Variants in SLC4A1 observed in about 807,000 individuals in gnomAD.
The protein encoded by SLC4A1 is solute carrier family 4 member 1 (Diego blood group).
A neutral mutation model predicts 93.1 loss-of-function variants in SLC4A1; 29 were observed. The ratio of observed to expected loss-of-function variants is 0.31; its 90% CI spans 0.23 to 0.42. The LOEUF is 0.42. Among genes scored for constraint, SLC4A1 ranks in the 20% least tolerant of loss-of-function variants. The pLI is 1.00. For missense variants in SLC4A1, 965 were observed against 1,190.1 expected, an observed-to-expected ratio of 0.81 and a Z score of 2.78; for synonymous variants, 469 against 497.2, an observed-to-expected ratio of 0.94 and a Z score of 0.76.
chr17:44,251,080 T>C, intron 19 of SLC4A1, 79 bp downstream of exon 19: 2 of 1,473,220 alleles, frequency 1.4e-6, no homozygotes, highest in South Asian at 2.4e-5. Context: ...CCCATGACTC[T>C]GTCCTGCCTG....
chr17:44,250,318 T>G lies in SLC4A1; in HGVS notation c.*140A>C, dbSNP rs1283755666. 1 of 731,426 alleles carries G rather than the reference T, an allele frequency of 1.4e-6. No individual in the cohort carries two copies. Among genetic ancestry groups the G allele is most frequent in the Non-Finnish European group, 2.4e-6 (1 of 416,394 alleles). The allele number at this position is 731,426 out of a possible 1,614,324, so 45.3% of individuals were successfully genotyped here. A position where few individuals can be genotyped will look rare whatever the true frequency, so the allele number is the denominator to read the frequency against. On this transcript the variant is annotated 3_prime_UTR_variant, in exon 20 of 20. Transcript: ENST00000262418. ...GGAAGGTCTCCTGGACACGCCTTCCTTCCCCACCCACAGCCCTGGGGCCTC... is the reference window on the plus strand; with the variant it reads ...GGAAGGTCTCCTGGACACGCCTTCCGTCCCCACCCACAGCCCTGGGGCCTC...
At position 44,259,221 on chromosome 17, in the gene SLC4A1, G is replaced by T. The variant is rs879088971; in HGVS notation, c.818C>A (p.Ala273Asp). Residue 273 changes from alanine to aspartate, a missense_variant, in exon 9 of 20, where the codon GCC becomes GAC. Ala to Asp is a moderately radical substitution (Grantham distance 126, BLOSUM62 -2). Transcript: ENST00000262418. ...AAGCTGGGTGTAATCGATGTGGGGG[G>T]CCTCAGGTCCCAGCAACACAAAGAG... ...RFLFVLLGPE[A>D]PHIDYTQLGR... 1 of 1,613,938 alleles carries T rather than the reference G, an allele frequency of 6.2e-7. No homozygotes were observed. The highest frequency in any genetic ancestry group is 8.5e-7 in the Non-Finnish European group (1 of 1,180,046).
Position 44,257,343 on chromosome 17 carries a change from C to T in SLC4A1, c.1626+7G>A, listed in dbSNP as rs765327742. ...CCGTGTGCATTAACATCCCCATAGG[C>T]CCCCACCTTGATCAGCTTGGAGAAA... On this transcript the variant is annotated splice_region_variant and intron_variant, in intron 13 of 19. Coordinates refer to ENST00000262418, the MANE Select transcript of SLC4A1 (RefSeq NM_000342.4). The T allele has an allele frequency of 2.4e-5, 39 of 1,613,382 alleles. No individual in the cohort carries two copies. Among genetic ancestry groups the T allele is most frequent in the East Asian group, 1.1e-4 (5 of 44,886 alleles).
At chr17:44,255,593 C>T in intron 14 of SLC4A1, 80 bp downstream of exon 14, 2 of 1,380,712 alleles carry the variant, frequency 1.4e-6, no homozygotes, top group Non-Finnish European at 2.1e-6. Flanking sequence ...AAGCTAAGGG[C>T]ACTGAGGAAT....
chr17:44,258,774 C>T lies in SLC4A1; in HGVS notation c.877-151G>A, dbSNP rs1419619502. On this transcript the variant is annotated intron_variant, in intron 9 of 19. Coordinates refer to ENST00000262418, the MANE Select transcript of SLC4A1 (RefSeq NM_000342.4). This position sits in a 1 kb window ranked among gnomAD's most constrained non-coding sequence, Gnocchi z 6.1. ...TTTCCTGCCCGCTCCCACCCCTACT[C>T]TCCCCACTAAGAAAGAGCTCTGGGG... is the stretch of plus-strand genomic sequence containing the variant. 2 of 767,194 alleles carry T rather than the reference C, an allele frequency of 2.6e-6. No homozygotes were observed. Among genetic ancestry groups the T allele is most frequent in the African/African-American group, 1.7e-5 (1 of 57,608 alleles). 47.5% of individuals were successfully genotyped at this position (767,194 alleles called of 1,614,324 possible).
At chr17:44,264,877 C>T (rs1409953287) in intron 1 of SLC4A1, among the ~76,000 whole-genome samples, 1 of 152,010 alleles carries the variant, frequency 6.6e-6, no homozygotes, top group Non-Finnish European at 1.5e-5. Flanking sequence ...CTTTTCCCTC[C>T]TCGCCCACTA....
rs1279830748 is a variant in SLC4A1, at chr17:44,249,141, C to T, written c.*1317G>A. The T allele has an allele frequency of 6.6e-6, 3 of 454,028 alleles. No homozygotes were observed. The highest frequency in any genetic ancestry group is 3.1e-5 in the South Asian group (2 of 64,340). The allele number at this position is 454,028 out of a possible 1,614,324, so 28.1% of individuals were successfully genotyped here. On this transcript the variant is annotated 3_prime_UTR_variant, in exon 20 of 20. Coordinates refer to ENST00000262418, the MANE Select transcript of SLC4A1 (RefSeq NM_000342.4). ...CCTCCCAAAGTGCTGGGATTACAAA[C>T]GTGAGCCACTGCGCCCAGCCACCTC...
At chr17:44,254,373 G>T in intron 16 of SLC4A1, 123 bp downstream of exon 16, 1 of 862,156 alleles carries the variant, frequency 1.2e-6, no homozygotes, top group Non-Finnish European at 1.9e-6. Context: ...CCTGCTAGTC[G>T]GGAGGGCCAC....
chr17:44,257,862 A>C, intron 11 of SLC4A1, 55 bp from the exon 12 acceptor site: 1 of 1,611,348 alleles, frequency 6.2e-7, no homozygotes, highest in Non-Finnish European at 8.5e-7. Context: ...CCAGGAGCCC[A>C]TAGAGCAAGT....
rs1043937637 is a variant in SLC4A1, at chr17:44,251,436, C to T, written c.2464G>A (p.Val822Met). The T allele has an allele frequency of 1.2e-6, 2 of 1,614,270 alleles. No homozygotes were observed. The highest frequency in any genetic ancestry group is 1.7e-6 in the Non-Finnish European group (2 of 1,180,052). Residue 822 changes from valine to methionine, a missense_variant, in exon 18 of 20, where the codon GTG becomes ATG. Physicochemically the swap from Val to Met is conservative, Grantham distance 21. This residue lies in a region of SLC4A1 where 770 missense variants were observed against 1,006.6 expected (regional missense o/e 0.76). Transcript: ENST00000262418. ...TCCTGTACCCGCTTGACGTAGGGCA[C>T]ATCTGGGTGATACTTGGGTGGCTTG... ...LFKPPKYHPDVPYVKRVKTWR... is the reference protein window; with the variant it reads ...LFKPPKYHPDMPYVKRVKTWR...
intron 13 of SLC4A1, 51 bp downstream of exon 13, chr17:44,257,299 C>A (rs762717087): frequency 6.3e-7 from 1 of 1,575,010 alleles, no homozygotes; most frequent in Non-Finnish European, 8.7e-7. Context: ...GCCACTGTCT[C>A]AGTCTTATAC....
Position 44,249,459 on chromosome 17 carries a change from C to T in SLC4A1, c.*999G>A, listed in dbSNP as rs1242937185. ...TAAATTACAAACCCCCTCACTCTCC[C>T]GCCCCTACCTTCCCACCCTCCCCCA... is the stretch of plus-strand genomic sequence containing the variant. On this transcript the variant is annotated 3_prime_UTR_variant, in exon 20 of 20. Coordinates refer to ENST00000262418, the MANE Select transcript of SLC4A1 (RefSeq NM_000342.4). 4 of 258,670 alleles carry T rather than the reference C, an allele frequency of 1.5e-5. No homozygotes were observed. Among genetic ancestry groups the T allele is most frequent in the South Asian group, 6.8e-5 (2 of 29,560 alleles). The allele number at this position is 258,670 out of a possible 1,614,324, so 16.0% of individuals were successfully genotyped here.
At position 44,250,227 on chromosome 17, in the gene SLC4A1, G is replaced by A; in HGVS notation, c.*231C>T. 3.8e-6 allele frequency: 2 copies of A among 530,060 alleles called. No individual in the cohort carries two copies. The highest frequency in any genetic ancestry group is 6.9e-6 in the Non-Finnish European group (2 of 289,930). 32.8% of individuals were successfully genotyped at this position (530,060 alleles called of 1,614,324 possible). ...AAAGTGTGGCAACAGGAGGGACTGT[G>A]CAACAAACCCCCTAATGTGGGCCCC... On this transcript the variant is annotated 3_prime_UTR_variant, in exon 20 of 20. Coordinates refer to ENST00000262418, the MANE Select transcript of SLC4A1 (RefSeq NM_000342.4).
Position 44,251,340 on chromosome 17 carries a change from C to A in SLC4A1, c.2482-8G>T. Reference sequence around the variant, plus strand: ...CATGCGCCAGGTCTTCACCTGCAGGCGGAGGCTGGGGTCAGTGCCTATCAC... The same window carrying A: ...CATGCGCCAGGTCTTCACCTGCAGGAGGAGGCTGGGGTCAGTGCCTATCAC... On this transcript the variant is annotated splice_region_variant and splice_polypyrimidine_tract_variant and intron_variant, in intron 18 of 19. Transcript: ENST00000262418. 6.2e-7 allele frequency: 1 copy of A among 1,614,194 alleles called. No individual in the cohort carries two copies. The highest frequency in any genetic ancestry group is 8.5e-7 in the Non-Finnish European group (1 of 1,180,040).
At position 44,257,521 on chromosome 17, in the gene SLC4A1, C is replaced by G. The variant is rs1483329396; in HGVS notation, c.1455G>C (p.Glu485Asp). ...CGATCCACACGCGGCCCACGATGTA[C>G]TCTAGACCGTTGGTCTCGCAGAACT... ...FFSFCETNGL[E>D]YIVGRVWIGF... is the part of the protein sequence containing the mutation. The change falls in exon 13 of 20, where the codon GAG becomes GAC. Residue 485 changes from glutamate to aspartate, a missense_variant. By Grantham distance (45) the Glu-to-Asp change is conservative. This residue lies in a region of SLC4A1 where 770 missense variants were observed against 1,006.6 expected (regional missense o/e 0.76). Transcript: ENST00000262418. 6.2e-7 allele frequency: 1 copy of G among 1,614,120 alleles called. No individual in the cohort carries two copies. Among genetic ancestry groups the G allele is most frequent in the Non-Finnish European group, 8.5e-7 (1 of 1,180,020 alleles).
Position 44,260,676 on chromosome 17 carries a change from G to A in SLC4A1, c.308C>T (p.Thr103Ile). 1 of 1,614,220 alleles carries A rather than the reference G, an allele frequency of 6.2e-7. No individual in the cohort carries two copies. Residue 103 changes from threonine to isoleucine, a missense_variant, in exon 5 of 20, where the codon ACC becomes ATC. Physicochemically the swap from Thr to Ile is moderately conservative, Grantham distance 89. Transcript: ENST00000262418. ...ACGCAGCTCTAGGAGGCTCCAGAAG[G>A]TGAGGTGAGAGAGGTGCGGGCGGCC... ...AWGRPHLSHL[T>I]FWSLLELRRV...
chr17:44,261,901 C>T (rs2144623472), intron 3 of SLC4A1: 1 of 1,048,970 alleles, frequency 9.5e-7, no homozygotes, highest in Non-Finnish European at 1.3e-6. Context: ...AGCCCCTCCG[C>T]AGTGATGAAG....
intron 1 of SLC4A1, among the ~76,000 whole-genome samples, chr17:44,263,763 T>G (rs2047472315): frequency 6.8e-6 from 1 of 146,082 alleles, no homozygotes; most frequent in Non-Finnish European, 1.5e-5. Context: ...CTTCCTTCCT[T>G]CCTCTCTCTC....
chr17:44,254,457 T>TGC, intron 16 of SLC4A1, 39 bp downstream of exon 16: 199 of 1,282,652 alleles, frequency 1.6e-4, no homozygotes, highest in Non-Finnish European at 1.9e-4. Context: ...GGTCCCTGCC[T>TGC]CCCACCCTCC....
Sources: gnomAD v4.1 joint callset for allele counts (sites outside exome capture counted in the v4.1 genomes callset) on GRCh38, gnomAD v4.1.1 for gene constraint, gnomAD v4.1.1 regional missense constraint, Gnocchi (gnomAD v3.1) non-coding constraint, MANE v1.5 for transcripts, NCBI Gene and HGNC (gene_info 2026-07-23, HGNC 2026-07-21) for gene names.